Variants in BMPR1A observed in about 807,000 individuals in gnomAD.
BMPR1A encodes the protein bone morphogenetic protein receptor type 1A, also known as bone morphogenetic protein receptor type-1A.
Under a neutral mutation model 66.0 loss-of-function variants are expected in BMPR1A, and 7 were observed. The ratio of observed to expected loss-of-function variants is 0.11; its 90% CI spans 0.06 to 0.20. BMPR1A has a LOEUF of 0.20. Among genes scored for constraint, BMPR1A ranks in the 10% least tolerant of loss-of-function variants. The probability of loss-of-function intolerance (pLI) is 1.00; values close to 1 mark genes in which losing one functional copy is unlikely to be tolerated. For missense variants in BMPR1A, 408 were observed against 669.1 expected (o/e 0.61, Z 4.31); for synonymous variants, 200 against 229.7 (o/e 0.87, Z 1.17).
chr10:86,903,601 TTTTATTTA>T (rs528073264), intron 7 of BMPR1A, among the ~76,000 whole-genome samples: 4 of 151,268 alleles, frequency 2.6e-5, no homozygotes, highest in Admixed American at 6.6e-5. Context: ...TTATTATTAT[TTTTATTTA>T]TTTATTTATT....
chr10:86,765,989 C>CTTTTTTTTTTTTTTTTTTTTTT (rs67035271), intron 1 of BMPR1A, among the ~76,000 whole-genome samples: 1 of 131,798 alleles, frequency 7.6e-6, no homozygotes, highest in Non-Finnish European at 1.6e-5. Flanking sequence ...TTTCCTCATT[C>CTTTTTTTTTTTTTTTTTTTTTT]TTTTTTTTTT....
intron 1 of BMPR1A, among the ~76,000 whole-genome samples, chr10:86,821,344 C>T (rs1313260802): frequency 5.3e-5 from 8 of 152,176 alleles, no homozygotes; most frequent in African/African-American, 1.9e-4. Flanking sequence ...ATTCTTGGCA[C>T]TTAATAAACA....
intron 1 of BMPR1A, among the ~76,000 whole-genome samples, chr10:86,808,213 C>G (rs756977999): frequency 3.3e-5 from 5 of 151,834 alleles, no homozygotes; most frequent in Non-Finnish European, 7.4e-5. Flanking sequence ...CATAATATTC[C>G]TTTATAATCC....
intron 2 of BMPR1A, among the ~76,000 whole-genome samples, chr10:86,861,328 A>G (rs902176234): frequency 1.3e-5 from 2 of 152,148 alleles, no homozygotes; most frequent in Admixed American, 6.5e-5. Context: ...TCTTAAACCT[A>G]TGGGTTTGTA....
intron 2 of BMPR1A, among the ~76,000 whole-genome samples, chr10:86,861,654 A>G (rs1842715513): frequency 6.6e-6 from 1 of 152,238 alleles, no homozygotes; most frequent in African/African-American, 2.4e-5. Context: ...AGCATAACCC[A>G]AGCCATTGTT....
intron 1 of BMPR1A, among the ~76,000 whole-genome samples, chr10:86,837,898 C>G (rs755914284): frequency 3.3e-5 from 5 of 152,192 alleles, no homozygotes; most frequent in Admixed American, 3.3e-4. Flanking sequence ...TATGCTAGAC[C>G]GTTTCAGGTT....
chr10:86,806,581 C>CA (rs1177105213), intron 1 of BMPR1A, among the ~76,000 whole-genome samples: 3 of 152,130 alleles, frequency 2.0e-5, no homozygotes, highest in Non-Finnish European at 2.9e-5. Flanking sequence ...ATCAGGGTCT[C>CA]ACTCCTGTTG....
rs1049306519 is a variant in BMPR1A at position 86,909,890 on chromosome 10, T to C, written c.531-2350T>C. On this transcript the variant is annotated intron_variant, in intron 7 of 12. Coordinates refer to ENST00000372037, the MANE Select transcript of BMPR1A (RefSeq NM_004329.3). ...TGTAGGGAAAATAGGCATTCTCATA[T>C]GTTGGTGGAGGGATTCCAACTGGTT... Among the ~76,000 whole-genome samples, 16 of 152,336 alleles carry C rather than the reference T, an allele frequency of 1.1e-4. No individual in the cohort carries two copies. The East Asian group carries it at 2.7e-3, about 26-fold the overall frequency.
intron 1 of BMPR1A, among the ~76,000 whole-genome samples, chr10:86,785,709 T>A (rs1215436734): frequency 6.6e-6 from 1 of 152,208 alleles, no homozygotes; most frequent in Non-Finnish European, 1.5e-5. Flanking sequence ...TTATTGAAAG[T>A]GGGGATACTG....
intron 1 of BMPR1A, among the ~76,000 whole-genome samples, chr10:86,772,602 A>G (rs1841282344): frequency 6.6e-6 from 1 of 152,138 alleles, no homozygotes; most frequent in South Asian, 2.1e-4. Flanking sequence ...AATGAAAGTG[A>G]TTAAGTCCAT....
intron 1 of BMPR1A, among the ~76,000 whole-genome samples, chr10:86,787,924 C>CT (rs1415595980): frequency 6.6e-6 from 1 of 151,964 alleles, no homozygotes; most frequent in African/African-American, 2.4e-5. Context: ...GGCCCCACCT[C>CT]TAACACTCAG....
rs145577327 is a variant in BMPR1A at position 86,814,988 on chromosome 10, A to G, written c.-267-23877A>G. Among the ~76,000 whole-genome samples, 463 of 152,050 alleles carry G rather than the reference A, an allele frequency of 3.0e-3. 5 individuals are homozygous for G. In the South Asian group the frequency reaches 0.031, roughly 10 times the overall value. On this transcript the variant is annotated intron_variant, in intron 1 of 12. Transcript: ENST00000372037. ...TTTAGTAGAGACAGGGTTTCACCAT[A>G]TTGGCCAGGCTTGTCTTGAACTCCT...
chr10:86,906,710 T>G (rs1843394340), intron 7 of BMPR1A, among the ~76,000 whole-genome samples: 1 of 17,820 alleles, frequency 5.6e-5, no homozygotes, highest in Non-Finnish European at 7.1e-5. Flanking sequence ...GGCGACAGAG[T>G]GAGACTCCGT....
chr10:86,787,681 GAATT>G (rs1841535819), intron 1 of BMPR1A, among the ~76,000 whole-genome samples: 1 of 152,150 alleles, frequency 6.6e-6, no homozygotes, highest in Non-Finnish European at 1.5e-5. Context: ...AAAGAAAAGA[GAATT>G]AATGGACTCA....
intron 1 of BMPR1A, among the ~76,000 whole-genome samples, chr10:86,828,433 A>G (rs1018367446): frequency 4.6e-5 from 7 of 152,190 alleles, no homozygotes; most frequent in Non-Finnish European, 8.8e-5. Context: ...GCTAAAACAA[A>G]TAAGCCAGTA....
At position 86,793,843 on chromosome 10, in the gene BMPR1A, G is replaced by A. The variant is rs368794825; in HGVS notation, c.-268+36924G>A. Among the ~76,000 whole-genome samples the A allele has an allele frequency of 9.5e-4, 145 of 152,306 alleles. 6 individuals carry two copies. In the South Asian group the frequency reaches 0.021, roughly 22 times the overall value. ...AAGATGCAGGTGTCTACAGGGCCGTGTTCCTTTCGGGAAGTTCTAAGGAAG... is the reference window on the plus strand; with the variant it reads ...AAGATGCAGGTGTCTACAGGGCCGTATTCCTTTCGGGAAGTTCTAAGGAAG... On this transcript the variant is annotated intron_variant, in intron 1 of 12. Coordinates refer to ENST00000372037, the MANE Select transcript of BMPR1A (RefSeq NM_004329.3).
At chr10:86,825,991 G>A (rs1842188031) in intron 1 of BMPR1A, among the ~76,000 whole-genome samples, 1 of 152,078 alleles carries the variant, frequency 6.6e-6, no homozygotes. Flanking sequence ...TTTATAAATC[G>A]ATAGAAAAGT....
At chr10:86,904,926 T>C (rs1219864249) in intron 7 of BMPR1A, among the ~76,000 whole-genome samples, 1 of 152,240 alleles carries the variant, frequency 6.6e-6, no homozygotes, top group Non-Finnish European at 1.5e-5. Flanking sequence ...GAAGATTCAT[T>C]ATTGATCAGA....
At chr10:86,914,554 A>G (rs1282786732) in intron 8 of BMPR1A, among the ~76,000 whole-genome samples, 1 of 152,228 alleles carries the variant, frequency 6.6e-6, no homozygotes, top group Non-Finnish European at 1.5e-5. Flanking sequence ...TTTTTAAAAA[A>G]TGGACAAAAG....
Sources: allele counts gnomAD v4.1 joint callset (sites outside exome capture counted in the v4.1 genomes callset), GRCh38; gene constraint gnomAD v4.1.1; transcripts MANE v1.5; gene names NCBI Gene and HGNC (gene_info 2026-07-23, HGNC 2026-07-21).